Variants in VAC14 observed in about 807,000 individuals in gnomAD.
The protein encoded by VAC14 is VAC14 component of PIKFYVE complex, also known as protein VAC14 homolog.
A neutral mutation model predicts 85.3 loss-of-function variants in VAC14; 47 were observed. The ratio of observed to expected loss-of-function variants is 0.55; its 90% confidence interval spans 0.44 to 0.70. The LOEUF (loss-of-function observed/expected upper bound fraction) is 0.70. Ranked by LOEUF, VAC14 falls within the 30% of genes least tolerant of loss-of-function variation. VAC14 has a pLI of 0.00. For synonymous variants in VAC14, 447 were observed against 430.5 expected (o/e 1.04, Z -0.47); for missense variants, 861 against 1,004.3 (o/e 0.86, Z 1.93).
intron 14 of VAC14, among the ~76,000 whole-genome samples, chr16:70,727,788 T>A (rs1460134982): frequency 2.0e-5 from 3 of 152,252 alleles, no homozygotes; most frequent in Non-Finnish European, 2.9e-5. Context: ...GGAAGCCACA[T>A]GTTTGCAGGG....
chr16:70,761,316 G>A, intron 12 of VAC14: 1 of 281,426 alleles, frequency 3.6e-6, no homozygotes, highest in Admixed American at 4.8e-5. Context: ...TCTGCAGTGT[G>A]GGCAGGTCTG....
chr16:70,766,321 A>T (rs1180531773), intron 10 of VAC14: 1 of 367,956 alleles, frequency 2.7e-6, no homozygotes, highest in African/African-American at 2.1e-5. Context: ...GCTGCTGGCC[A>T]GCCTGTGGGG....
At chr16:70,731,300 CCTGT>C (rs1478009172) in intron 14 of VAC14, 191 bp downstream of exon 14, 9 of 1,417,684 alleles carry the variant, frequency 6.3e-6, no homozygotes, top group Non-Finnish European at 8.3e-6. Flanking sequence ...TCAACACTGA[CCTGT>C]CTGTTTCATG....
At chr16:70,798,237 G>A (rs1468386140) in intron 1 of VAC14, among the ~76,000 whole-genome samples, 24 of 151,506 alleles carry the variant, frequency 1.6e-4, no homozygotes, top group Admixed American at 1.6e-3. Flanking sequence ...ATCTTAAAGG[G>A]GCAACTTACC....
intron 13 of VAC14, among the ~76,000 whole-genome samples, chr16:70,742,493 A>C (rs1215698892): frequency 1.3e-5 from 2 of 152,138 alleles, no homozygotes; most frequent in Non-Finnish European, 2.9e-5. Context: ...CGGAGAATGG[A>C]CTCGTTTGCC....
intron 14 of VAC14, among the ~76,000 whole-genome samples, chr16:70,709,539 A>C (rs959829389): frequency 2.0e-5 from 3 of 152,162 alleles, no homozygotes; most frequent in African/African-American, 7.2e-5. Context: ...TTGGCCTGTG[A>C]TCCACACTTA....
intron 14 of VAC14, among the ~76,000 whole-genome samples, chr16:70,703,452 G>A (rs1362958765): frequency 6.6e-6 from 1 of 151,914 alleles, no homozygotes. Flanking sequence ...TCAGTAAGGG[G>A]GCCTCTGGTA....
chr16:70,766,337 C>T (rs542915897), intron 10 of VAC14: 78 of 381,834 alleles, frequency 2.0e-4, no homozygotes, highest in Middle Eastern at 7.6e-4. Flanking sequence ...TGGGGCCTCT[C>T]CTGCAAGTGG....
intron 14 of VAC14, among the ~76,000 whole-genome samples, chr16:70,712,356 C>A (rs2054052922): frequency 6.6e-6 from 1 of 152,168 alleles, no homozygotes. Flanking sequence ...CCACTCCCCA[C>A]CAGGATCACG....
At chr16:70,757,356 C>T (rs912097607) in intron 12 of VAC14, among the ~76,000 whole-genome samples, 38 of 152,334 alleles carry the variant, frequency 2.5e-4, no homozygotes, top group Admixed American at 1.8e-3. Context: ...CTTCCGCCTG[C>T]GAGTCGGGGA....
At chr16:70,692,054 CAA>C in intron 18 of VAC14, 6 of 983,662 alleles carry the variant, frequency 6.1e-6, no homozygotes, top group Non-Finnish European at 7.2e-6. Flanking sequence ...GGCGACCTGA[CAA>C]GTGAAATTTT....
At chr16:70,799,894 G>C (rs2034694727) in intron 1 of VAC14, among the ~76,000 whole-genome samples, 1 of 152,208 alleles carries the variant, frequency 6.6e-6, no homozygotes, top group Non-Finnish European at 1.5e-5. Context: ...CGGGTAGTGT[G>C]ACTGAGAAAC....
intron 10 of VAC14, chr16:70,768,766 C>A: frequency 2.2e-6 from 1 of 451,148 alleles, no homozygotes; most frequent in Admixed American, 2.4e-5. Flanking sequence ...ATCCTTGAAC[C>A]CCTGAAAGTG....
At chr16:70,702,753 T>A (rs866115205) in intron 14 of VAC14, among the ~76,000 whole-genome samples, 4 of 151,992 alleles carry the variant, frequency 2.6e-5, no homozygotes, top group Non-Finnish European at 4.4e-5. Context: ...GGCCCTTGAG[T>A]CAGGAAGCTG....
intron 12 of VAC14, chr16:70,761,151 A>G (rs1170302920): frequency 4.4e-6 from 2 of 455,480 alleles, no homozygotes; most frequent in Admixed American, 4.7e-5. Flanking sequence ...TTCTCTCTTC[A>G]GCCCAGGTTC....
In VAC14 at chr16:70,744,762, T is replaced by C. The variant is rs569851089; in HGVS notation, c.1372-183A>G. ...ATGCTCAGAAAAGTGAAACAAAGTATCCAGAATGAAGGGAACACAGACTAC... is the reference window on the plus strand; with the variant it reads ...ATGCTCAGAAAAGTGAAACAAAGTACCCAGAATGAAGGGAACACAGACTAC... On this transcript the variant is annotated intron_variant, in intron 12 of 18. Transcript: ENST00000261776. The C allele has an allele frequency of 7.3e-5, 46 of 627,850 alleles. No homozygotes were observed. The South Asian group carries it at 1.1e-3, about 15-fold the overall frequency. 38.9% of individuals were successfully genotyped at this position (627,850 alleles called of 1,614,324 possible).
At chr16:70,763,902 A>C (rs1202812702) in intron 10 of VAC14, among the ~76,000 whole-genome samples, 4 of 152,200 alleles carry the variant, frequency 2.6e-5, no homozygotes, top group Non-Finnish European at 5.9e-5. Flanking sequence ...AGGTGGGGGC[A>C]GCATGGGTAG....
intron 12 of VAC14, among the ~76,000 whole-genome samples, chr16:70,753,557 C>G (rs2031579360): frequency 6.6e-6 from 1 of 152,182 alleles, no homozygotes; most frequent in African/African-American, 2.4e-5. Flanking sequence ...GGGCTGAGAG[C>G]TGGGGGTATA....
intron 12 of VAC14, among the ~76,000 whole-genome samples, chr16:70,760,567 A>G (rs751891211): frequency 1.6e-5 from 2 of 125,812 alleles, no homozygotes; most frequent in Non-Finnish European, 3.2e-5. Context: ...TGTCCCCCAG[A>G]GCAGTTTCCA....
Sources: allele counts gnomAD v4.1 joint callset (sites outside exome capture counted in the v4.1 genomes callset), GRCh38; gene constraint gnomAD v4.1.1; transcripts MANE v1.5; gene names NCBI Gene and HGNC (gene_info 2026-07-23, HGNC 2026-07-21).